Variants in PCDHA5 observed in about 807,000 individuals in gnomAD.
PCDHA5 encodes the protein protocadherin alpha-5.
Under a neutral mutation model 61.6 loss-of-function variants are expected in PCDHA5, and 43 were observed. The observed-to-expected ratio is 0.70, with a 90% CI of 0.55 to 0.90. The LOEUF is 0.90. Among genes scored for constraint, PCDHA5 ranks in the 40% least tolerant of loss-of-function variants. The probability of loss-of-function intolerance (pLI) is 0.00; values close to 1 mark genes in which losing one functional copy is unlikely to be tolerated. For synonymous variants in PCDHA5, 627 were observed against 543.9 expected (o/e 1.15, Z -2.13); for missense variants, 1,298 against 1,222.7 (o/e 1.06, Z -0.92).
intron 1 of PCDHA5, chr5:140,871,260 G>T (rs761268820): frequency 1.4e-5 from 22 of 1,613,980 alleles, no homozygotes; most frequent in Admixed American, 8.3e-5. Context: ...TGTATACGGC[G>T]CTGTGGTGGT....
rs139607260 is a variant in PCDHA5, at chr5:140,954,243, A to C, written c.2353-24706A>C. ...TATTGTGAATAGTGCTGCAATGAAC[A>C]TACACATGCAGGTATCTTTATAATA... On this transcript the variant is annotated intron_variant, in intron 1 of 3. Transcript: ENST00000529859. Among the ~76,000 whole-genome samples the C allele has an allele frequency of 3.2e-4, 49 of 152,350 alleles. No individual in the cohort carries two copies. In the East Asian group the frequency reaches 9.1e-3, roughly 28 times the overall value.
intron 1 of PCDHA5, chr5:140,828,462 G>C: frequency 1.9e-6 from 3 of 1,614,208 alleles, no homozygotes; most frequent in Non-Finnish European, 2.5e-6. Context: ...GTGGAGGTGA[G>C]GGACATTAAC....
chr5:140,934,528 G>T (rs782284913), intron 1 of PCDHA5, among the ~76,000 whole-genome samples: 26 of 152,112 alleles, frequency 1.7e-4, no homozygotes, highest in Non-Finnish European at 2.2e-4. Flanking sequence ...CACTTCGAGA[G>T]CTACCGTTCT....
At position 140,823,971 on chromosome 5, in the gene PCDHA5, A is replaced by C; in HGVS notation, c.2196A>C (p.Thr732=). The change falls in exon 1 of 4, where the codon ACA becomes ACC. Residue 732 remains threonine (T), a synonymous_variant. Coordinates refer to ENST00000529859, the MANE Select transcript of PCDHA5 (RefSeq NM_018908.3). The stretch of plus-strand genomic sequence containing the variant: ...CGCAGCCCACCGAGGCCGTGTGCAC[A>C]CGGGGCAAGCCCACTCTGTTGTGCT... ...CSAQPTEAVC[T]RGKPTLLCSS... The C allele has an allele frequency of 6.2e-7, 1 of 1,614,076 alleles. No individual in the cohort carries two copies. The highest frequency in any genetic ancestry group is 2.2e-5 in the East Asian group (1 of 44,858).
intron 1 of PCDHA5, chr5:140,877,206 C>G (rs782807049): frequency 6.2e-7 from 1 of 1,613,768 alleles, no homozygotes; most frequent in South Asian, 1.1e-5. Context: ...GCGCAGTTAG[C>G]GAGTTGGTAC....
intron 1 of PCDHA5, among the ~76,000 whole-genome samples, chr5:140,902,107 T>G (rs2069104126): frequency 6.6e-6 from 1 of 152,174 alleles, no homozygotes; most frequent in African/African-American, 2.4e-5. Flanking sequence ...CTTTAGATTT[T>G]TTTAAAACTG....
chr5:140,846,989 C>T (rs1449097023), intron 1 of PCDHA5, among the ~76,000 whole-genome samples: 1 of 149,196 alleles, frequency 6.7e-6, no homozygotes, highest in Non-Finnish European at 1.5e-5. Flanking sequence ...AAGTTCCCCC[C>T]GGGAGAATAT....
At chr5:140,875,921 C>T (rs782082764) in intron 1 of PCDHA5, 57 of 1,614,110 alleles carry the variant, frequency 3.5e-5, no homozygotes, top group Non-Finnish European at 4.8e-5. Context: ...CCTCTGGACT[C>T]TCATTTTCCT....
intron 1 of PCDHA5, among the ~76,000 whole-genome samples, chr5:140,931,749 G>A (rs368438680): frequency 2.0e-5 from 3 of 151,878 alleles, no homozygotes; most frequent in East Asian, 3.9e-4. Context: ...ATTCACAAAG[G>A]CATTTGTTAT....
At chr5:140,883,932 T>A (rs1554180637) in intron 1 of PCDHA5, 2 of 1,613,418 alleles carry the variant, frequency 1.2e-6, no homozygotes. Context: ...CAGGTGTTCG[T>A]GCTGGACGAG....
At chr5:140,945,762 G>A (rs570176768) in intron 1 of PCDHA5, among the ~76,000 whole-genome samples, 122 of 152,196 alleles carry the variant, frequency 8.0e-4, no homozygotes, top group South Asian at 2.3e-3. Context: ...ATGGTGGTGG[G>A]ACAATTTGAT....
chr5:140,950,711 T>C (rs1173209854), intron 1 of PCDHA5, among the ~76,000 whole-genome samples: 2 of 152,094 alleles, frequency 1.3e-5, no homozygotes, highest in African/African-American at 4.8e-5. Flanking sequence ...TTTTTGTTCC[T>C]TATATCCTTA....
At chr5:140,862,748 C>T in intron 1 of PCDHA5, 1 of 577,560 alleles carries the variant, frequency 1.7e-6, no homozygotes, top group Non-Finnish European at 3.3e-6. Flanking sequence ...TGGGTGCACG[C>T]GGAGAGCGGC....
chr5:140,843,317 C>G (rs2150357275), intron 1 of PCDHA5: 11 of 1,595,910 alleles, frequency 6.9e-6, no homozygotes, highest in African/African-American at 1.3e-5. Context: ...GGCCACGGTT[C>G]TGGTGTCGCT....
At chr5:140,913,734 A>C (rs1408251545) in intron 1 of PCDHA5, among the ~76,000 whole-genome samples, 1 of 152,070 alleles carries the variant, frequency 6.6e-6, no homozygotes, top group African/African-American at 2.4e-5. Context: ...TCCCTCTAAT[A>C]GTACTCCTTT....
chr5:140,823,030 G>T lies in PCDHA5; in HGVS notation c.1255G>T (p.Val419Phe). The T allele has an allele frequency of 6.2e-7, 1 of 1,614,220 alleles. No homozygotes were observed. Among genetic ancestry groups the T allele is most frequent in the Non-Finnish European group, 8.5e-7 (1 of 1,180,048 alleles). ...CGCCCTGGACCGCGAGAGCGTGTCG[G>T]TCTATGAGCTGGTGGTGACCGCGCG... ...DSALDRESVS[V>F]YELVVTARDG... The change falls in exon 1 of 4, where the codon GTC becomes TTC. Residue 419 changes from valine to phenylalanine, a missense_variant. Transcript: ENST00000529859.
intron 1 of PCDHA5, among the ~76,000 whole-genome samples, chr5:140,951,923 T>C (rs538525528): frequency 6.6e-6 from 1 of 152,214 alleles, no homozygotes; most frequent in South Asian, 2.1e-4. Flanking sequence ...ACAAGTTAGT[T>C]ACTCCCAAGA....
At chr5:140,928,074 C>CT in intron 1 of PCDHA5, 1 of 1,614,216 alleles carries the variant, frequency 6.2e-7, no homozygotes, top group Non-Finnish European at 8.5e-7. Context: ...TTGACAACTA[C>CT]TACAGCCTGC....
In PCDHA5 at chr5:141,006,613, A is replaced by G. The variant is rs543043401; in HGVS notation, c.2501-3014A>G. 2.0e-5 allele frequency among the ~76,000 whole-genome samples: 3 copies of G among 152,308 alleles called. No individual in the cohort carries two copies. In the South Asian group the frequency reaches 6.2e-4, roughly 32 times the overall value. Reference sequence around the variant, plus strand: ...AGCAAAAGTGGAAGCAGACTGAATAAGGAGACTATTGCTGCAATTCATATA... The same window carrying G: ...AGCAAAAGTGGAAGCAGACTGAATAGGGAGACTATTGCTGCAATTCATATA... On this transcript the variant is annotated intron_variant, in intron 3 of 3. Coordinates refer to ENST00000529859, the MANE Select transcript of PCDHA5 (RefSeq NM_018908.3).
Sources: gnomAD v4.1 joint callset for allele counts (sites outside exome capture counted in the v4.1 genomes callset) on GRCh38, gnomAD v4.1.1 for gene constraint, MANE v1.5 for transcripts, NCBI Gene and HGNC (gene_info 2026-07-23, HGNC 2026-07-21) for gene names.